The following RIPOR2 variants were observed in gnomAD, a reference collection of about 807,000 sequenced individuals.
RIPOR2 encodes the protein rho family-interacting cell polarization regulator 2.
A neutral mutation model predicts 114.5 loss-of-function variants in RIPOR2; 39 were observed. The ratio of observed to expected loss-of-function variants is 0.34; its 90% CI spans 0.26 to 0.44. The LOEUF is 0.44. RIPOR2 is among the 20% of genes least tolerant of loss of function. The pLI is 1.00. For synonymous variants in RIPOR2, 445 were observed against 484.4 expected (o/e 0.92, Z 1.07); for missense variants, 1,007 against 1,255.1 (o/e 0.80, Z 2.99).
chr6:25,027,391 G>T lies in RIPOR2; in HGVS notation c.76+14460C>A, dbSNP rs995086118. On this transcript the variant is annotated intron_variant, in intron 1 of 13. Coordinates refer to the RIPOR2 transcript ENST00000510784. ...AAGTACAAACCCATCCCCAGGCTGCGAAAGAAAAGTCTACGAGCTGGCCTC... is the reference window on the plus strand; with the variant it reads ...AAGTACAAACCCATCCCCAGGCTGCTAAAGAAAAGTCTACGAGCTGGCCTC... Among the ~76,000 whole-genome samples the T allele has an allele frequency of 5.3e-5, 8 of 152,308 alleles. No individual in the cohort carries two copies. The East Asian group carries it at 1.5e-3, about 29-fold the overall frequency.
intron 1 of RIPOR2, among the ~76,000 whole-genome samples, chr6:24,928,752 T>C (rs1771156490): frequency 6.6e-6 from 1 of 152,204 alleles, no homozygotes; most frequent in African/African-American, 2.4e-5. Flanking sequence ...TTAGAAATAA[T>C]TGCTGTCTAG....
chr6:24,854,211 T>C (rs959255488), intron 8 of RIPOR2, among the ~76,000 whole-genome samples: 9 of 152,164 alleles, frequency 5.9e-5, no homozygotes, highest in African/African-American at 2.2e-4. Context: ...AAGGAGATCT[T>C]TGCTTTTTTC....
At chr6:24,980,995 T>C (rs9467373) in intron 1 of RIPOR2, among the ~76,000 whole-genome samples, 54,928 of 152,032 alleles carry the variant, frequency 0.36, 10,418 homozygotes, top group Non-Finnish European at 0.43. Context: ...GGGATAACTT[T>C]CTCCACCTCT....
Position 24,830,627 on chromosome 6 carries a change from C to A in RIPOR2, c.2388G>T (p.Trp796Cys). Reference protein sequence around the residue: ...FHKKLSLLSFWTKCCSPVGVY... With the variant: ...FHKKLSLLSFCTKCCSPVGVY... ...CACCAACAGGGCTGCAGCACTTGGT[C>A]CAGAATGACAGCAAAGACAGCTTTT... Residue 796 changes from tryptophan (W) to cysteine (C), a missense_variant, in exon 17 of 22, where the codon TGG becomes TGT. By Grantham distance (215) the Trp-to-Cys change is radical (BLOSUM62 -2). Transcript: ENST00000643898. 6.4e-7 allele frequency: 1 copy of A among 1,551,460 alleles called. No homozygotes were observed. The highest frequency in any genetic ancestry group is 8.7e-7 in the Non-Finnish European group (1 of 1,146,966).
chr6:24,873,667 G>A lies in RIPOR2; in HGVS notation c.321C>T (p.Tyr107=). The change falls in exon 3 of 22, where the codon TAC becomes TAT. Residue 107 remains tyrosine (Y), a synonymous_variant. Transcript: ENST00000643898. ...ACTCAAGTCCATTTTTCAAGGCCCTGTAGACTTCTTCCACCCTTTTAGGCT... is the reference window on the plus strand; with the variant it reads ...ACTCAAGTCCATTTTTCAAGGCCCTATAGACTTCTTCCACCCTTTTAGGCT... The part of the protein sequence containing the change: ...EPQPKRVEEV[Y]RALKNGLDEY... 1.2e-6 allele frequency: 2 copies of A among 1,613,380 alleles called. No individual in the cohort carries two copies. Among genetic ancestry groups the A allele is most frequent in the South Asian group, 1.1e-5 (1 of 90,974 alleles).
At chr6:24,973,447 C>T (rs920449051) in intron 1 of RIPOR2, among the ~76,000 whole-genome samples, 2 of 150,542 alleles carry the variant, frequency 1.3e-5, no homozygotes, top group African/African-American at 4.9e-5. Flanking sequence ...ACTAAAAATA[C>T]AAAAAAAAAT....
At chr6:24,832,167 C>T in intron 16 of RIPOR2, 89 bp downstream of exon 16, 1 of 1,267,348 alleles carries the variant, frequency 7.9e-7, no homozygotes, top group Non-Finnish European at 1.1e-6. Flanking sequence ...TTCTGTTTTT[C>T]CAACAAAGCA....
At chr6:24,857,382 G>A (rs543684268) in intron 8 of RIPOR2, among the ~76,000 whole-genome samples, 87 of 152,206 alleles carry the variant, frequency 5.7e-4, no homozygotes, top group African/African-American at 1.8e-3. Flanking sequence ...CTGAGGATGC[G>A]CACTGGGGGC....
intron 1 of RIPOR2, among the ~76,000 whole-genome samples, chr6:24,990,244 T>G (rs933886174): frequency 2.0e-5 from 3 of 152,342 alleles, no homozygotes; most frequent in Non-Finnish European, 4.4e-5. Flanking sequence ...GCTGAAAAGA[T>G]AAAGGTCTTA....
intron 12 of RIPOR2, among the ~76,000 whole-genome samples, chr6:24,845,528 G>C (rs1762179031): frequency 6.6e-6 from 1 of 152,124 alleles, no homozygotes; most frequent in African/African-American, 2.4e-5. Context: ...AGATTGGGTA[G>C]TCAGGATTCT....
chr6:24,861,192 A>C (rs1263787812), intron 7 of RIPOR2, among the ~76,000 whole-genome samples, 156 bp from the exon 8 acceptor site: 2 of 152,200 alleles, frequency 1.3e-5, no homozygotes, highest in Non-Finnish European at 2.9e-5. Context: ...TTCTTGACAA[A>C]ATGTTTGATC....
intron 1 of RIPOR2, among the ~76,000 whole-genome samples, chr6:25,031,725 AT>A (rs1776964123): frequency 5.7e-5 from 6 of 105,492 alleles, no homozygotes; most frequent in Admixed American, 9.0e-5. Context: ...ATATATATAT[AT>A]ATATATATAT....
intron 1 of RIPOR2, among the ~76,000 whole-genome samples, chr6:25,007,855 C>T (rs1481193143): frequency 6.6e-6 from 1 of 152,046 alleles, no homozygotes; most frequent in Non-Finnish European, 1.5e-5. Context: ...TCAAACACAA[C>T]ATACCAACAA....
chr6:24,861,488 G>A (rs1206480903), intron 7 of RIPOR2, among the ~76,000 whole-genome samples: 2 of 152,102 alleles, frequency 1.3e-5, no homozygotes, highest in Non-Finnish European at 2.9e-5. Context: ...ACTTGAAAAT[G>A]GACAATATGT....
intron 1 of RIPOR2, among the ~76,000 whole-genome samples, chr6:24,927,925 T>A (rs1231106190): frequency 6.6e-6 from 1 of 152,194 alleles, no homozygotes; most frequent in African/African-American, 2.4e-5. Context: ...GGCTTCAGAA[T>A]TTCTGTATGC....
intron 19 of RIPOR2, among the ~76,000 whole-genome samples, chr6:24,820,463 G>T (rs944922979): frequency 1.3e-5 from 2 of 152,146 alleles, no homozygotes; most frequent in Non-Finnish European, 2.9e-5. Context: ...CCCATCATCT[G>T]ATTTCAGAAT....
rs60133171 is a variant in RIPOR2, at chr6:25,031,749, AT to A, written c.76+10101del. The stretch of plus-strand genomic sequence containing the variant: ...TATATATATATATATATATATATAT[AT>A]AAAATATCCATAGAATATATATATA... On this transcript the variant is annotated intron_variant, in intron 1 of 13. Coordinates refer to the RIPOR2 transcript ENST00000510784. Among the ~76,000 whole-genome samples, 164 of 74,068 alleles carry A rather than the reference AT, an allele frequency of 2.2e-3. 7 individuals carry two copies. The highest frequency in any genetic ancestry group is 3.3e-3 in the Non-Finnish European group (110 of 33,328). The allele number at this position is 74,068 out of a possible 152,430, so 48.6% of individuals were successfully genotyped here. A position where few individuals can be genotyped will look rare whatever the true frequency, so the allele number is the denominator to read the frequency against.
intron 1 of RIPOR2, chr6:24,877,187 C>T (rs1260731587): frequency 2.0e-6 from 2 of 985,292 alleles, no homozygotes; most frequent in Non-Finnish European, 2.4e-6. Flanking sequence ...TTCACTAGAC[C>T]TTCCTCAAAG....
At chr6:24,987,414 C>T (rs1287043886) in intron 1 of RIPOR2, among the ~76,000 whole-genome samples, 11 of 152,138 alleles carry the variant, frequency 7.2e-5, no homozygotes, top group Admixed American at 2.0e-4. Context: ...ACGGGTGGTG[C>T]CATGTGGAAA....
Sources: allele counts gnomAD v4.1 joint callset (sites outside exome capture counted in the v4.1 genomes callset), GRCh38; gene constraint gnomAD v4.1.1; transcripts MANE v1.5; gene names NCBI Gene and HGNC (gene_info 2026-07-23, HGNC 2026-07-21).